Variants in SAXO1 observed in about 807,000 individuals in gnomAD.
The protein encoded by SAXO1 is stabilizer of axonemal microtubules 1, also known as 4930500O09Rik.
In SAXO1, 21 loss-of-function variants were observed where a neutral mutation model predicts 17.5. That is an observed-to-expected ratio of 1.20 (90% CI 0.85 to 1.72). SAXO1 has a LOEUF of 1.72. SAXO1 is among the 40% of genes most tolerant of loss of function. SAXO1 has a pLI of 0.00. For missense variants in SAXO1, 843 were observed against 596.0 expected (o/e 1.41, Z -4.32); for synonymous variants, 274 against 216.5 (o/e 1.27, Z -2.33).
intron 2 of SAXO1, among the ~76,000 whole-genome samples, chr9:18,946,279 CAAAA>C (rs56858815): frequency 1.7e-4 from 6 of 34,480 alleles, no homozygotes; most frequent in Non-Finnish European, 2.9e-4. Flanking sequence ...TTCATCTCAC[CAAAA>C]AAAAAAAAAA....
chr9:19,040,307 A>G (rs1245239820), intron 1 of SAXO1, among the ~76,000 whole-genome samples: 1 of 152,204 alleles, frequency 6.6e-6, no homozygotes, highest in Non-Finnish European at 1.5e-5. Flanking sequence ...GGGAAAGTCA[A>G]GCACCTAATA....
intron 1 of SAXO1, among the ~76,000 whole-genome samples, chr9:18,990,770 A>T (rs1010947077): frequency 7.9e-5 from 12 of 152,184 alleles, no homozygotes; most frequent in African/African-American, 2.9e-4. Context: ...AAACCCTATC[A>T]GTGAACTGCG....
rs1358545526 is a variant in SAXO1 at position 18,950,631 on chromosome 9, T to C, written c.218+127A>G. The C allele has an allele frequency of 5.2e-6, 4 of 769,540 alleles. No individual in the cohort carries two copies. The African/African-American group carries it at 7.0e-5, about 13-fold the overall frequency. 47.7% of individuals were successfully genotyped at this position (769,540 alleles called of 1,614,324 possible). A position where few individuals can be genotyped will look rare whatever the true frequency, so the allele number is the denominator to read the frequency against. On this transcript the variant is annotated intron_variant, in intron 2 of 3. Transcript: ENST00000380534. ...GAGATATAGTACATTAAGGCATTAATATCATATGTTGATACTGCACATTAA... is the reference window on the plus strand; with the variant it reads ...GAGATATAGTACATTAAGGCATTAACATCATATGTTGATACTGCACATTAA...
intron 1 of SAXO1, among the ~76,000 whole-genome samples, chr9:18,969,628 GGT>G (rs1184844313): frequency 1.3e-5 from 2 of 152,126 alleles, no homozygotes; most frequent in African/African-American, 4.8e-5. Context: ...TAGATTCCTT[GGT>G]GAGAAAGGGG....
At chr9:18,997,745 G>A (rs556063254) in intron 1 of SAXO1, among the ~76,000 whole-genome samples, 6 of 152,168 alleles carry the variant, frequency 3.9e-5, no homozygotes, top group East Asian at 1.9e-4. Context: ...GGTGGGTGCC[G>A]ATCAAGGATG....
chr9:19,024,716 G>A (rs890832161), intron 1 of SAXO1, among the ~76,000 whole-genome samples: 5 of 151,776 alleles, frequency 3.3e-5, no homozygotes, highest in African/African-American at 1.2e-4. Flanking sequence ...ATCCCAAAGC[G>A]CCTCTCCCAC....
At position 18,977,731 on chromosome 9, in the gene SAXO1, C is replaced by A. The variant is rs149202664; in HGVS notation, c.39-26794G>T. ...CACAACTGCCAGGCGTGGTGGCTCA[C>A]GGCTGTAAATCCCAGCACTTTGAGA... On this transcript the variant is annotated intron_variant, in intron 1 of 3. Coordinates refer to ENST00000380534, the MANE Select transcript of SAXO1 (RefSeq NM_153707.4). Among the ~76,000 whole-genome samples the A allele has an allele frequency of 4.4e-3, 676 of 152,178 alleles. 5 individuals are homozygous for A. The highest frequency in any genetic ancestry group is 7.6e-3 in the Non-Finnish European group (514 of 68,014).
chr9:18,942,965 G>A (rs1343480894), intron 2 of SAXO1, among the ~76,000 whole-genome samples: 1 of 152,234 alleles, frequency 6.6e-6, no homozygotes, highest in African/African-American at 2.4e-5. Context: ...AAGGGAAGGG[G>A]AAGGTTTCCG....
intron 1 of SAXO1, among the ~76,000 whole-genome samples, chr9:19,011,768 GCT>G (rs1262518066): frequency 6.6e-6 from 1 of 151,770 alleles, no homozygotes; most frequent in Non-Finnish European, 1.5e-5. Context: ...AACCACTTCA[GCT>G]CTTTCTTCCT....
chr9:19,018,167 CAAAA>C (rs879664616), intron 1 of SAXO1, among the ~76,000 whole-genome samples: 22 of 130,946 alleles, frequency 1.7e-4, no homozygotes, highest in African/African-American at 6.1e-4. Flanking sequence ...GACCCCATCT[CAAAA>C]AAAAAAAAAC....
chr9:19,036,219 C>T (rs913268200), upstream of SAXO1, among the ~76,000 whole-genome samples: 4 of 144,898 alleles, frequency 2.8e-5, no homozygotes, highest in African/African-American at 7.7e-5. Flanking sequence ...CAAACCTGCA[C>T]GTTCTGCACA....
intron 1 of SAXO1, among the ~76,000 whole-genome samples, chr9:18,957,411 T>C (rs966839647): frequency 6.6e-6 from 1 of 152,166 alleles, no homozygotes; most frequent in Non-Finnish European, 1.5e-5. Context: ...GTAACACAGC[T>C]GGTCAGCAGC....
intron 2 of SAXO1, among the ~76,000 whole-genome samples, chr9:18,944,375 C>T (rs541808255): frequency 4.6e-5 from 7 of 152,220 alleles, no homozygotes; most frequent in Admixed American, 3.3e-4. Flanking sequence ...TGTCATTAAC[C>T]GCAACATAAC....
chr9:18,973,197 C>T (rs558886015), intron 1 of SAXO1, among the ~76,000 whole-genome samples: 6 of 152,282 alleles, frequency 3.9e-5, no homozygotes, highest in Admixed American at 3.3e-4. Flanking sequence ...CAGTGTTGTA[C>T]AGGTAGTTAC....
In SAXO1 at chr9:18,928,181, A is replaced by C; in HGVS notation, c.1296T>G (p.Phe432Leu). ...ASYPEPPGYT[F>L]EEVDALGHRI... ...TGTGACCCAAAGCATCCACTTCCTC[A>C]AAGGTGTAGCCAGGAGGCTCAGGAT... Residue 432 changes from phenylalanine to leucine, a missense_variant, in exon 4 of 4, where the codon TTT becomes TTG. By Grantham distance (22) the Phe-to-Leu change is conservative. Coordinates refer to ENST00000380534, the MANE Select transcript of SAXO1 (RefSeq NM_153707.4). The C allele has an allele frequency of 6.2e-7, 1 of 1,614,200 alleles. No individual in the cohort carries two copies.
chr9:18,985,654 G>A (rs185263208), intron 1 of SAXO1, among the ~76,000 whole-genome samples: 1 of 152,320 alleles, frequency 6.6e-6, no homozygotes. Flanking sequence ...AAGGGCCTCT[G>A]CAAGGAAAGG....
At chr9:19,020,508 T>C (rs1388995609) in intron 1 of SAXO1, among the ~76,000 whole-genome samples, 1 of 152,062 alleles carries the variant, frequency 6.6e-6, no homozygotes, top group Non-Finnish European at 1.5e-5. Flanking sequence ...CGCACCACCA[T>C]AACCAGCTAA....
At chr9:18,929,094 A>G (rs1052701799) in intron 3 of SAXO1, 39 bp from the exon 4 acceptor site, 12 of 1,599,052 alleles carry the variant, frequency 7.5e-6, no homozygotes, top group Non-Finnish European at 1.0e-5. Context: ...TAATAAATCA[A>G]GTCAACCAAC....
chr9:18,996,218 T>C (rs1052480291), intron 1 of SAXO1, among the ~76,000 whole-genome samples: 1 of 152,190 alleles, frequency 6.6e-6, no homozygotes, highest in Non-Finnish European at 1.5e-5. Flanking sequence ...GCTTTATCAA[T>C]CCCCTTTTCT....
Sources: allele counts gnomAD v4.1 joint callset (sites outside exome capture counted in the v4.1 genomes callset), GRCh38; gene constraint gnomAD v4.1.1; transcripts MANE v1.5; gene names NCBI Gene and HGNC (gene_info 2026-07-23, HGNC 2026-07-21).